The following C1QTNF3 variants were observed in gnomAD, a reference collection of about 807,000 sequenced individuals.
The protein encoded by C1QTNF3 is C1q and TNF related 3, also known as complement C1q tumor necrosis factor-related protein 3.
In C1QTNF3, 26 loss-of-function variants were observed where a neutral mutation model predicts 32.6. That is an observed-to-expected ratio of 0.80 (90% CI 0.58 to 1.11). C1QTNF3 has a LOEUF of 1.11. Among genes scored for constraint, C1QTNF3 ranks in the 50% least tolerant of loss-of-function variants. The probability of loss-of-function intolerance (pLI) is 0.00; values close to 1 mark genes in which losing one functional copy is unlikely to be tolerated. For synonymous variants in C1QTNF3, 155 were observed against 146.0 expected (o/e 1.06, Z -0.44); for missense variants, 362 against 398.2 (o/e 0.91, Z 0.77).
chr5:34,142,504 C>T, the C1QTNF3 span, among the ~76,000 whole-genome samples: 7 of 151,662 alleles, frequency 4.6e-5, no homozygotes, highest in Non-Finnish European at 8.8e-5. Context: ...CCCCAAGGAC[C>T]AGAAGTTGAC....
the C1QTNF3 span, among the ~76,000 whole-genome samples, chr5:34,062,241 T>C: frequency 4.6e-5 from 7 of 152,220 alleles, no homozygotes; most frequent in African/African-American, 1.4e-4. Context: ...AGTTGCCCCA[T>C]CAAGGTGCAG....
intron 4 of C1QTNF3, among the ~76,000 whole-genome samples, 155 bp downstream of exon 4, chr5:34,028,599 T>A (rs1291945463): frequency 6.6e-6 from 1 of 152,116 alleles, no homozygotes; most frequent in Non-Finnish European, 1.5e-5. Flanking sequence ...AGAAAAAAAA[T>A]AACTACCTTA....
the C1QTNF3 span, among the ~76,000 whole-genome samples, chr5:34,194,990 C>G: frequency 9.9e-5 from 15 of 151,888 alleles, no homozygotes; most frequent in Admixed American, 2.0e-4. Context: ...TATTTCCAAT[C>G]CTTGGTTGGC....
chr5:34,229,830 T>A, the C1QTNF3 span, among the ~76,000 whole-genome samples: 1 of 152,176 alleles, frequency 6.6e-6, no homozygotes. Flanking sequence ...TATCTGGAGA[T>A]GGAGCTTTTG....
At chr5:34,128,322 G>A in the C1QTNF3 span, among the ~76,000 whole-genome samples, 5 of 152,208 alleles carry the variant, frequency 3.3e-5, no homozygotes, top group Non-Finnish European at 7.3e-5. Flanking sequence ...TGGAGCTGTC[G>A]TGGAAACCTC....
chr5:34,165,733 T>G, the C1QTNF3 span: 6 of 151,942 alleles, frequency 3.9e-5, no homozygotes, highest in Non-Finnish European at 8.8e-5. Flanking sequence ...AAGAAAATGG[T>G]TTTGAAGTTC....
chr5:34,055,261 C>T, the C1QTNF3 span, among the ~76,000 whole-genome samples: 1 of 152,156 alleles, frequency 6.6e-6, no homozygotes, highest in Non-Finnish European at 1.5e-5. Context: ...ATCTGATTGG[C>T]TAATTCTAAA....
intron 1 of C1QTNF3, among the ~76,000 whole-genome samples, chr5:34,037,776 T>A (rs1754776062): frequency 6.6e-6 from 1 of 152,216 alleles, no homozygotes. Flanking sequence ...AGGGATTTTA[T>A]CTGAGGGATT....
chr5:34,092,670 A>G, the C1QTNF3 span, among the ~76,000 whole-genome samples: 8 of 151,700 alleles, frequency 5.3e-5, no homozygotes, highest in Non-Finnish European at 1.2e-4. Context: ...TGAAGTTTGT[A>G]TATTTCAGGT....
the C1QTNF3 span, among the ~76,000 whole-genome samples, chr5:34,164,294 C>T: frequency 4.6e-5 from 7 of 152,176 alleles, no homozygotes; most frequent in South Asian, 2.1e-4. Flanking sequence ...ATCAATGGTA[C>T]GAGATATTTT....
the C1QTNF3 span, chr5:34,200,798 T>C: frequency 6.6e-6 from 1 of 152,168 alleles, no homozygotes; most frequent in East Asian, 1.9e-4. Flanking sequence ...ATTTAGATTC[T>C]CTATACTTGC....
chr5:34,031,328 T>C (rs1163023323), intron 3 of C1QTNF3, among the ~76,000 whole-genome samples: 2 of 152,192 alleles, frequency 1.3e-5, no homozygotes, highest in Non-Finnish European at 2.9e-5. Context: ...ATGGGACAAA[T>C]TTAATAATTG....
the C1QTNF3 span, among the ~76,000 whole-genome samples, chr5:34,068,730 T>A: frequency 6.6e-6 from 1 of 152,160 alleles, no homozygotes; most frequent in Non-Finnish European, 1.5e-5. Context: ...TGCTGTATAA[T>A]GTAAGAAATG....
chr5:34,023,112 C>T (rs1383034444), intron 5 of C1QTNF3, among the ~76,000 whole-genome samples: 1 of 152,184 alleles, frequency 6.6e-6, no homozygotes. Flanking sequence ...ACCTCGGCCT[C>T]CCAAAGTGCT....
chr5:34,129,777 A>G, the C1QTNF3 span, among the ~76,000 whole-genome samples: 140 of 151,964 alleles, frequency 9.2e-4, 1 homozygote, highest in Admixed American at 3.0e-3. Flanking sequence ...GTCTTCTAAT[A>G]ACAACCTCTA....
the C1QTNF3 span, among the ~76,000 whole-genome samples, chr5:34,062,487 A>G: frequency 2.0e-5 from 3 of 152,234 alleles, 1 homozygote; most frequent in South Asian, 6.2e-4. Flanking sequence ...TATGAGAAGG[A>G]GAGCGAGCAG....
chr5:34,159,264 A>G, the C1QTNF3 span, among the ~76,000 whole-genome samples: 1 of 152,124 alleles, frequency 6.6e-6, no homozygotes, highest in South Asian at 2.1e-4. Context: ...ATACAATAAT[A>G]GCAAACAAAC....
chr5:34,219,044 A>C, the C1QTNF3 span, among the ~76,000 whole-genome samples: 1 of 152,124 alleles, frequency 6.6e-6, no homozygotes, highest in Non-Finnish European at 1.5e-5. Flanking sequence ...TGCACACAGA[A>C]ATATATTTTG....
the C1QTNF3 span, among the ~76,000 whole-genome samples, chr5:34,067,336 A>C: frequency 6.6e-6 from 1 of 152,228 alleles, no homozygotes. Flanking sequence ...CCACTCTACT[A>C]GTACCAATTT....
Sources: allele counts gnomAD v4.1 joint callset (sites outside exome capture counted in the v4.1 genomes callset), GRCh38; gene constraint gnomAD v4.1.1; transcripts MANE v1.5; gene names NCBI Gene and HGNC (gene_info 2026-07-23, HGNC 2026-07-21).